The following PTGFR variants were observed in gnomAD, a reference collection of about 807,000 sequenced individuals.
PTGFR encodes prostaglandin F receptor.
Under a neutral mutation model 26.2 loss-of-function variants are expected in PTGFR, and 15 were observed. That is an observed-to-expected ratio of 0.57 (90% CI 0.38 to 0.88). The LOEUF is 0.88. Ranked by LOEUF, PTGFR falls within the 40% of genes least tolerant of loss-of-function variation. The pLI, the probability that PTGFR is intolerant of heterozygous loss-of-function variation, is 0.00. For missense variants in PTGFR, 369 were observed against 427.2 expected (o/e 0.86, Z 1.20); for synonymous variants, 165 against 151.1 (o/e 1.09, Z -0.68).
Position 78,492,913 on chromosome 1 carries a change from G to C in PTGFR, c.170G>C (p.Arg57Thr). The C allele has an allele frequency of 6.2e-7, 1 of 1,614,236 alleles. No homozygotes were observed. Among genetic ancestry groups the C allele is most frequent in the Non-Finnish European group, 8.5e-7 (1 of 1,180,054 alleles). ...GCCATTCTCATGAAGGCATATCAGA[G>C]ATTTAGACAGAAGTCCAAGGCATCG... ...AIAILMKAYQ[R>T]FRQKSKASFL... Residue 57 changes from arginine (R) to threonine (T), a missense_variant, in exon 2 of 3, where the codon AGA (arginine) becomes ACA (threonine). Arg to Thr is a moderately conservative substitution (Grantham distance 71, BLOSUM62 -1). Transcript: ENST00000370757.
At chr1:78,509,095 A>G (rs575161090) in intron 2 of PTGFR, among the ~76,000 whole-genome samples, 52 of 152,294 alleles carry the variant, frequency 3.4e-4, no homozygotes, top group Middle Eastern at 3.4e-3. Context: ...TCTGACATTA[A>G]AAAAATTTTA....
intron 2 of PTGFR, among the ~76,000 whole-genome samples, chr1:78,497,326 C>T (rs893318978): frequency 6.6e-6 from 1 of 152,094 alleles, no homozygotes; most frequent in African/African-American, 2.4e-5. Flanking sequence ...CGCTTATTAT[C>T]TTACAGTTCC....
At chr1:78,510,880 T>TA (rs1020699458) in intron 2 of PTGFR, among the ~76,000 whole-genome samples, 4 of 152,176 alleles carry the variant, frequency 2.6e-5, no homozygotes, top group East Asian at 3.9e-4. Flanking sequence ...GGAAATAGGC[T>TA]AAAAAAAAGA....
intron 2 of PTGFR, among the ~76,000 whole-genome samples, chr1:78,520,505 C>T (rs1214115619): frequency 1.3e-5 from 2 of 152,056 alleles, no homozygotes. Context: ...TGCAGTTTTA[C>T]AGCAGTGTAA....
At chr1:78,500,629 A>G (rs939198292) in intron 2 of PTGFR, among the ~76,000 whole-genome samples, 3 of 152,058 alleles carry the variant, frequency 2.0e-5, no homozygotes, top group African/African-American at 7.3e-5. Context: ...CACTTCACAC[A>G]CTCTCTGGAA....
intron 2 of PTGFR, among the ~76,000 whole-genome samples, chr1:78,530,942 TG>T (rs1172120749): frequency 6.6e-6 from 1 of 152,128 alleles, no homozygotes; most frequent in African/African-American, 2.4e-5. Flanking sequence ...CAACCACCTC[TG>T]GGGGTTTTAG....
chr1:78,499,460 G>C (rs769093367), intron 2 of PTGFR, among the ~76,000 whole-genome samples: 6 of 152,224 alleles, frequency 3.9e-5, no homozygotes, highest in Non-Finnish European at 8.8e-5. Context: ...CTGGCATATA[G>C]TTGGGGTCAG....
At chr1:78,522,787 A>G (rs1447316879) in intron 2 of PTGFR, among the ~76,000 whole-genome samples, 1 of 152,094 alleles carries the variant, frequency 6.6e-6, no homozygotes, top group African/African-American at 2.4e-5. Flanking sequence ...TTCTAAAAAA[A>G]CAGTTTGACT....
intron 2 of PTGFR, among the ~76,000 whole-genome samples, chr1:78,527,726 A>G (rs1186738156): frequency 6.6e-6 from 1 of 152,168 alleles, no homozygotes; most frequent in African/African-American, 2.4e-5. Flanking sequence ...AGAATGTTGT[A>G]TGCCAGTTAA....
chr1:78,514,110 G>A (rs1213641233), intron 2 of PTGFR, among the ~76,000 whole-genome samples: 1 of 152,196 alleles, frequency 6.6e-6, no homozygotes, highest in Non-Finnish European at 1.5e-5. Flanking sequence ...CCCACACAGA[G>A]TCCCCAGAGA....
At chr1:78,498,102 T>C (rs866129923) in intron 2 of PTGFR, among the ~76,000 whole-genome samples, 7 of 152,202 alleles carry the variant, frequency 4.6e-5, no homozygotes, top group African/African-American at 7.2e-5. Flanking sequence ...GGGTGGCTAA[T>C]TGAACTTTGA....
At chr1:78,517,431 A>G (rs953640958) in intron 2 of PTGFR, among the ~76,000 whole-genome samples, 2 of 152,116 alleles carry the variant, frequency 1.3e-5, no homozygotes, top group African/African-American at 2.4e-5. Context: ...TTAAAGATTG[A>G]TAAGTGCTGT....
At chr1:78,525,909 A>G (rs1650359838) in intron 2 of PTGFR, among the ~76,000 whole-genome samples, 1 of 152,162 alleles carries the variant, frequency 6.6e-6, no homozygotes, top group South Asian at 2.1e-4. Flanking sequence ...ACTTAAAAGT[A>G]GTAGCAGAAT....
At chr1:78,512,288 A>T (rs1047364015) in intron 2 of PTGFR, among the ~76,000 whole-genome samples, 1 of 152,110 alleles carries the variant, frequency 6.6e-6, no homozygotes, top group African/African-American at 2.4e-5. Flanking sequence ...TTCATTTTTT[A>T]TATTGCTATA....
chr1:78,517,750 T>C (rs1650123840), intron 2 of PTGFR, among the ~76,000 whole-genome samples: 2 of 152,110 alleles, frequency 1.3e-5, no homozygotes, highest in South Asian at 4.1e-4. Context: ...ATTAAAATTG[T>C]TTTGGAAGCC....
chr1:78,540,010 G>A lies in PTGFR; in HGVS notation c.*3323G>A, dbSNP rs1650755858. Among the ~76,000 whole-genome samples, 1 of 151,952 alleles carries A rather than the reference G, an allele frequency of 6.6e-6. No homozygotes were observed. The highest frequency in any genetic ancestry group is 1.5e-5 in the Non-Finnish European group (1 of 67,958). ...ATATATCATTCAGAAAAGCCTCAAT[G>A]TGTCTGTAATAAGAAACAATCTCCA... On this transcript the variant is annotated 3_prime_UTR_variant, in exon 3 of 3. Transcript: ENST00000370757.
intron 2 of PTGFR, among the ~76,000 whole-genome samples, chr1:78,498,553 A>G (rs1000597644): frequency 1.3e-5 from 2 of 152,172 alleles, no homozygotes; most frequent in African/African-American, 4.8e-5. Context: ...ACCCATTGCC[A>G]TTGGATCAAA....
At chr1:78,527,643 G>T (rs982596067) in intron 2 of PTGFR, among the ~76,000 whole-genome samples, 3 of 152,106 alleles carry the variant, frequency 2.0e-5, no homozygotes, top group African/African-American at 7.2e-5. Flanking sequence ...TCAGGAACTA[G>T]ATGAAAGTTG....
chr1:78,496,899 A>G (rs1276479281), intron 2 of PTGFR, among the ~76,000 whole-genome samples: 1 of 22,670 alleles, frequency 4.4e-5, no homozygotes, highest in Admixed American at 4.5e-4. Context: ...CCCCCACCCC[A>G]TCAGCTTTAT....
Sources: allele counts gnomAD v4.1 joint callset (sites outside exome capture counted in the v4.1 genomes callset), GRCh38; gene constraint gnomAD v4.1.1; transcripts MANE v1.5; gene names NCBI Gene and HGNC (gene_info 2026-07-23, HGNC 2026-07-21).